PTPRD: variants seen among roughly 807,000 people sequenced by gnomAD.
PTPRD encodes the protein protein tyrosine phosphatase receptor type D.
In PTPRD, 34 loss-of-function variants were observed where a neutral mutation model predicts 214.5. That is an observed-to-expected ratio of 0.16 (90% CI 0.12 to 0.21). The LOEUF (loss-of-function observed/expected upper bound fraction) is 0.21. Ranked by LOEUF, PTPRD falls within the 10% of genes least tolerant of loss-of-function variation. The probability of loss-of-function intolerance (pLI) is 1.00; values close to 1 mark genes in which losing one functional copy is unlikely to be tolerated. For synonymous variants in PTPRD, 1,128 were observed against 845.7 expected (o/e 1.33, Z -5.79); for missense variants, 2,545 against 2,398.7 (o/e 1.06, Z -1.27).
intron 11 of PTPRD, among the ~76,000 whole-genome samples, chr9:8,990,187 C>T (rs985817380): frequency 5.3e-5 from 8 of 152,098 alleles, no homozygotes; most frequent in African/African-American, 1.4e-4. Context: ...AATCTGTGTC[C>T]ACATTCAACT....
rs904783998 is a variant in PTPRD, at chr9:9,807,560, C to T, written c.-367-40709G>A. Reference sequence around the variant, plus strand: ...TCCCATATGCCCCAAGAATACTCTCCACTGATGCTTGCAGCTACAGCATTT... The same window carrying T: ...TCCCATATGCCCCAAGAATACTCTCTACTGATGCTTGCAGCTACAGCATTT... On this transcript the variant is annotated intron_variant, in intron 5 of 45. Coordinates refer to ENST00000381196, the MANE Select transcript of PTPRD (RefSeq NM_002839.4). Among the ~76,000 whole-genome samples, 5 of 152,272 alleles carry T rather than the reference C, an allele frequency of 3.3e-5. No individual in the cohort carries two copies. In the South Asian group the frequency reaches 8.3e-4, roughly 25 times the overall value.
intron 8 of PTPRD, among the ~76,000 whole-genome samples, chr9:9,459,071 G>T (rs1395668035): frequency 6.6e-6 from 1 of 152,020 alleles, no homozygotes; most frequent in South Asian, 2.1e-4. Context: ...GCTGGGGTGT[G>T]GAAAAGGAAA....
chr9:8,743,611 T>A (rs2092391911), intron 11 of PTPRD, among the ~76,000 whole-genome samples: 1 of 152,024 alleles, frequency 6.6e-6, no homozygotes, highest in Non-Finnish European at 1.5e-5. Context: ...TGAAGATGAA[T>A]CAAAGAGTTA....
intron 32 of PTPRD, 46 bp from the exon 33 acceptor site, chr9:8,460,617 T>G: frequency 6.3e-7 from 1 of 1,580,852 alleles, no homozygotes; most frequent in Non-Finnish European, 8.6e-7. Context: ...AATGACTTTC[T>G]AGATAAGTAC....
intron 44 of PTPRD, among the ~76,000 whole-genome samples, chr9:8,327,836 C>G (rs945337915): frequency 1.3e-5 from 2 of 152,140 alleles, no homozygotes; most frequent in African/African-American, 4.8e-5. Context: ...AGGATTGTAT[C>G]CCCTGCTTTG....
At chr9:9,283,277 A>G (rs1948365907) in intron 9 of PTPRD, among the ~76,000 whole-genome samples, 2 of 151,408 alleles carry the variant, frequency 1.3e-5, no homozygotes, top group Non-Finnish European at 1.5e-5. Flanking sequence ...TAGTTGTACA[A>G]TTCATCTTCT....
intron 26 of PTPRD, among the ~76,000 whole-genome samples, chr9:8,494,759 G>T (rs532993742): frequency 2.0e-5 from 3 of 152,190 alleles, no homozygotes; most frequent in African/African-American, 7.2e-5. Context: ...AATGCGTCAA[G>T]TTCCCTGCAG....
intron 5 of PTPRD, among the ~76,000 whole-genome samples, chr9:9,782,429 G>A (rs752686835): frequency 6.6e-6 from 1 of 152,072 alleles, no homozygotes; most frequent in Non-Finnish European, 1.5e-5. Context: ...GAACACATTT[G>A]CATCTTTAAA....
At chr9:9,207,247 T>G (rs1054553780) in intron 9 of PTPRD, among the ~76,000 whole-genome samples, 6 of 152,246 alleles carry the variant, frequency 3.9e-5, no homozygotes, top group African/African-American at 9.6e-5. Flanking sequence ...TAGTTTCATT[T>G]TGAACTTTTA....
chr9:8,682,501 C>T (rs941199254), intron 12 of PTPRD, among the ~76,000 whole-genome samples: 1 of 151,726 alleles, frequency 6.6e-6, no homozygotes, highest in African/African-American at 2.4e-5. Context: ...TGGTACACAA[C>T]ATATACATTT....
chr9:10,114,678 A>T (rs1248461027), intron 3 of PTPRD, among the ~76,000 whole-genome samples: 1 of 152,102 alleles, frequency 6.6e-6, no homozygotes, highest in Non-Finnish European at 1.5e-5. Flanking sequence ...GCCCACATGC[A>T]TATATAGATA....
chr9:10,426,985 T>C (rs1038767409), intron 2 of PTPRD, among the ~76,000 whole-genome samples: 2 of 151,962 alleles, frequency 1.3e-5, no homozygotes, highest in African/African-American at 4.8e-5. Context: ...ATTAAGAAAA[T>C]TAAAGAGTCT....
rs79823218 is a variant in PTPRD, at chr9:9,540,059, T to C, written c.-237+34673A>G. 2.2e-3 allele frequency among the ~76,000 whole-genome samples: 333 copies of C among 151,908 alleles called. 10 individuals carry two copies. In the East Asian group the frequency reaches 0.052, roughly 24 times the overall value. ...CACTCTTCCCCTAGAGTTATTCTTT[T>C]AAAGTTATTAATTATACAAAGAAAT... On this transcript the variant is annotated intron_variant, in intron 8 of 45. Transcript: ENST00000381196.
At chr9:9,245,892 A>T (rs1569565605) in intron 9 of PTPRD, among the ~76,000 whole-genome samples, 1 of 152,120 alleles carries the variant, frequency 6.6e-6, no homozygotes, top group Non-Finnish European at 1.5e-5. Flanking sequence ...GAAATGTGAC[A>T]TTGAATCTTT....
At chr9:9,922,395 CCTT>C (rs1378914992) in intron 5 of PTPRD, among the ~76,000 whole-genome samples, 1 of 152,066 alleles carries the variant, frequency 6.6e-6, no homozygotes, top group African/African-American at 2.4e-5. Context: ...GGACCTGTAA[CCTT>C]CTTTCCCTTT....
At chr9:9,119,147 T>C (rs1049714310) in intron 10 of PTPRD, among the ~76,000 whole-genome samples, 5 of 152,188 alleles carry the variant, frequency 3.3e-5, no homozygotes, top group African/African-American at 1.2e-4. Flanking sequence ...TCTGCAGAAG[T>C]GAAGTGAATT....
At chr9:8,675,179 C>T (rs1023757050) in intron 12 of PTPRD, among the ~76,000 whole-genome samples, 1 of 152,014 alleles carries the variant, frequency 6.6e-6, no homozygotes, top group Non-Finnish European at 1.5e-5. Context: ...TTGATTCCAC[C>T]CGGGTTTGAA....
In PTPRD at chr9:10,179,148, G is replaced by C. The variant is rs142689999; in HGVS notation, c.-544-145358C>G. Among the ~76,000 whole-genome samples the C allele has an allele frequency of 7.6e-3, 1,150 of 152,010 alleles. 13 individuals carry two copies. The highest frequency in any genetic ancestry group is 0.026 in the African/African-American group (1,068 of 41,510). On this transcript the variant is annotated intron_variant, in intron 3 of 45. Transcript: ENST00000381196. The stretch of plus-strand genomic sequence containing the variant: ...GTCACCTAAAATATAGAATGAGTTA[G>C]ACATCATTCATATCAACAGCAGTGG...
chr9:8,964,914 A>G (rs192812571), intron 11 of PTPRD, among the ~76,000 whole-genome samples: 1 of 152,170 alleles, frequency 6.6e-6, no homozygotes, highest in East Asian at 1.9e-4. Flanking sequence ...AAGAGTATGG[A>G]TGGTATAATT....
Sources: allele counts gnomAD v4.1 joint callset (sites outside exome capture counted in the v4.1 genomes callset), GRCh38; gene constraint gnomAD v4.1.1; transcripts MANE v1.5; gene names NCBI Gene and HGNC (gene_info 2026-07-23, HGNC 2026-07-21).